The following CDC42SE2 variants were observed in gnomAD, a reference collection of about 807,000 sequenced individuals.
CDC42SE2 encodes the protein CDC42 small effector 2, also known as CDC42 small effector protein 2.
A neutral mutation model predicts 11.5 loss-of-function variants in CDC42SE2; 3 were observed. The ratio of observed to expected loss-of-function variants is 0.26; its 90% confidence interval spans 0.12 to 0.67. The LOEUF (loss-of-function observed/expected upper bound fraction) is 0.67. Among genes scored for constraint, CDC42SE2 ranks in the 30% least tolerant of loss-of-function variants. CDC42SE2 has a pLI of 0.80. For synonymous variants in CDC42SE2, 33 were observed against 34.8 expected, an observed-to-expected ratio of 0.95 and a Z score of 0.18; for missense variants, 82 against 106.8, an observed-to-expected ratio of 0.77 and a Z score of 1.02.
intron 4 of CDC42SE2, among the ~76,000 whole-genome samples, chr5:131,389,963 T>C (rs1250655820): frequency 6.6e-6 from 1 of 152,230 alleles, no homozygotes; most frequent in Non-Finnish European, 1.5e-5. Context: ...GGAATAATAA[T>C]GATATGCTAA....
rs148328318 is a variant in CDC42SE2 at position 131,384,818 on chromosome 5, C to T, written c.55-725C>T. ...GAAGAGTCAGCCAGGCGTAGTGGTG[C>T]GTGCCTGTAATCCCAGCTACTTGGG... On this transcript the variant is annotated intron_variant, in intron 3 of 4. Coordinates refer to ENST00000505065, the MANE Select transcript of CDC42SE2 (RefSeq NM_001375635.1). Among the ~76,000 whole-genome samples, 21 of 148,738 alleles carry T rather than the reference C, an allele frequency of 1.4e-4. 1 individual carries two copies. Among genetic ancestry groups the T allele is most frequent in the African/African-American group, 4.7e-4 (19 of 40,394 alleles).
rs1035030880 is a variant in CDC42SE2 at position 131,391,717 on chromosome 5, C to CAGTT, written c.*628_*631dup. The CAGTT allele has an allele frequency of 9.2e-5, 14 of 152,266 alleles. No homozygotes were observed. Among genetic ancestry groups the CAGTT allele is most frequent in the African/African-American group, 3.4e-4 (14 of 41,532 alleles). 9.4% of individuals were successfully genotyped at this position (152,266 alleles called of 1,614,324 possible). On this transcript the variant is annotated 3_prime_UTR_variant, in exon 5 of 5. Transcript: ENST00000505065. ...GATAATCTCTTGGGTAGTAATTTTA[C>CAGTT]AGTTAAGACTTCATTGTTTATAAAC...
At chr5:131,253,805 A>T (rs1228812820) in intron 1 of CDC42SE2, among the ~76,000 whole-genome samples, 1 of 152,200 alleles carries the variant, frequency 6.6e-6, no homozygotes, top group Non-Finnish European at 1.5e-5. Context: ...CTTACAAAGG[A>T]TACTTTTCTA....
chr5:131,219,669 G>A, the CDC42SE2 span, among the ~76,000 whole-genome samples: 1 of 152,192 alleles, frequency 6.6e-6, no homozygotes, highest in Non-Finnish European at 1.5e-5. Flanking sequence ...AGGCATGGTG[G>A]CCCATTCCTA....
At chr5:131,282,865 G>A (rs1438302727) in intron 1 of CDC42SE2, among the ~76,000 whole-genome samples, 4 of 150,406 alleles carry the variant, frequency 2.7e-5, no homozygotes, top group East Asian at 3.9e-4. Flanking sequence ...TCCTGACCTC[G>A]TGATGCGCCT....
intron 1 of CDC42SE2, among the ~76,000 whole-genome samples, chr5:131,264,594 A>T (rs1460663810): frequency 6.6e-6 from 1 of 152,062 alleles, no homozygotes; most frequent in Non-Finnish European, 1.5e-5. Context: ...TCGGGGAGCA[A>T]AGACACCTGG....
chr5:131,247,749 C>T (rs1192040430), intron 1 of CDC42SE2, among the ~76,000 whole-genome samples: 15 of 152,106 alleles, frequency 9.9e-5, no homozygotes, highest in Non-Finnish European at 2.2e-4. Context: ...TCAAGTGATA[C>T]TCTCGCCTCA....
chr5:131,296,681 G>A (rs1757576213), intron 1 of CDC42SE2, among the ~76,000 whole-genome samples: 2 of 152,134 alleles, frequency 1.3e-5, no homozygotes, highest in Admixed American at 1.3e-4. Flanking sequence ...AGTAACATCT[G>A]CAACGTAAGG....
At chr5:131,280,120 C>T (rs1207679949) in intron 1 of CDC42SE2, among the ~76,000 whole-genome samples, 1 of 152,146 alleles carries the variant, frequency 6.6e-6, no homozygotes, top group African/African-American at 2.4e-5. Context: ...TTTTGAGCAA[C>T]AGTTGCTTTG....
At chr5:131,341,692 G>A (rs1310714881) in intron 2 of CDC42SE2, among the ~76,000 whole-genome samples, 1 of 152,108 alleles carries the variant, frequency 6.6e-6, no homozygotes, top group African/African-American at 2.4e-5. Context: ...AATTACAGGT[G>A]TTTTACAGAT....
chr5:131,359,381 A>T lies in CDC42SE2; in HGVS notation c.-113A>T. 2 of 816,546 alleles carry T rather than the reference A, an allele frequency of 2.4e-6. No individual in the cohort carries two copies. The highest frequency in any genetic ancestry group is 4.3e-6 in the Non-Finnish European group (2 of 461,014). The allele number at this position is 816,546 out of a possible 1,614,324, so 50.6% of individuals were successfully genotyped here. Reference sequence around the variant, plus strand: ...AGGAACAAAAACACGGTGAAATAATAAAATTTCATCTTGGCATCACTGGAC... The same window carrying T: ...AGGAACAAAAACACGGTGAAATAATTAAATTTCATCTTGGCATCACTGGAC... On this transcript the variant is annotated 5_prime_UTR_variant, in exon 3 of 5. Coordinates refer to ENST00000505065, the MANE Select transcript of CDC42SE2 (RefSeq NM_001375635.1).
intron 3 of CDC42SE2, among the ~76,000 whole-genome samples, chr5:131,375,103 C>T (rs1194432355): frequency 6.8e-6 from 1 of 146,746 alleles, no homozygotes; most frequent in African/African-American, 2.5e-5. Context: ...AAACCAGATA[C>T]TAATTTTAAA....
chr5:131,335,930 A>G (rs1007539880), intron 2 of CDC42SE2, among the ~76,000 whole-genome samples: 3 of 152,162 alleles, frequency 2.0e-5, no homozygotes, highest in Non-Finnish European at 4.4e-5. Context: ...CCAATTTGCC[A>G]GTCTGTGCCT....
At chr5:131,285,344 A>G (rs1257104892) in intron 1 of CDC42SE2, among the ~76,000 whole-genome samples, 1 of 152,172 alleles carries the variant, frequency 6.6e-6, no homozygotes, top group African/African-American at 2.4e-5. Context: ...TATGTTACTG[A>G]TATAAATTTA....
At position 131,391,634 on chromosome 5, in the gene CDC42SE2, T is replaced by G. The variant is rs1264907041; in HGVS notation, c.*543T>G. 1 of 152,366 alleles carries G rather than the reference T, an allele frequency of 6.6e-6. No homozygotes were observed. Among genetic ancestry groups the G allele is most frequent in the Admixed American group, 6.5e-5 (1 of 15,284 alleles). The allele number at this position is 152,366 out of a possible 1,614,324, so 9.4% of individuals were successfully genotyped here. On this transcript the variant is annotated 3_prime_UTR_variant, in exon 5 of 5. Transcript: ENST00000505065. Reference sequence around the variant, plus strand: ...TTGCAGTCAGCTGAGAATGCGCCACTGCGCTCCAGCCTGGGTGACAGAGCA... The same window carrying G: ...TTGCAGTCAGCTGAGAATGCGCCACGGCGCTCCAGCCTGGGTGACAGAGCA...
At chr5:131,306,170 C>G (rs1757773508) in intron 1 of CDC42SE2, among the ~76,000 whole-genome samples, 1 of 152,160 alleles carries the variant, frequency 6.6e-6, no homozygotes, top group African/African-American at 2.4e-5. Flanking sequence ...CCTGCCTTGT[C>G]CTGCCTGGGA....
chr5:131,349,068 A>G (rs798410), intron 2 of CDC42SE2, among the ~76,000 whole-genome samples: 35,568 of 151,990 alleles, frequency 0.23, 4,512 homozygotes, highest in East Asian at 0.49. Context: ...ACCATTCAGG[A>G]CATAGGCATG....
At chr5:131,350,988 C>T (rs1758994595) in intron 2 of CDC42SE2, among the ~76,000 whole-genome samples, 1 of 152,204 alleles carries the variant, frequency 6.6e-6, no homozygotes, top group South Asian at 2.1e-4. Flanking sequence ...CTCTGTCGCT[C>T]AGGCTGGAGT....
chr5:131,210,207 A>T, the CDC42SE2 span, among the ~76,000 whole-genome samples: 1 of 152,214 alleles, frequency 6.6e-6, no homozygotes, highest in Non-Finnish European at 1.5e-5. Context: ...ACCCAGCCTC[A>T]GGTATTCCCT....
Sources: allele counts gnomAD v4.1 joint callset (sites outside exome capture counted in the v4.1 genomes callset), GRCh38; gene constraint gnomAD v4.1.1; transcripts MANE v1.5; gene names NCBI Gene and HGNC (gene_info 2026-07-23, HGNC 2026-07-21).